The following SORCS3 variants were observed in gnomAD, a reference collection of about 807,000 sequenced individuals.
The protein encoded by SORCS3 is VPS10 domain-containing receptor SorCS3.
SORCS3 carries 57 observed loss-of-function variants against 146.3 expected under a neutral mutation model. The observed-to-expected ratio is 0.39, with a 90% CI of 0.31 to 0.49. The LOEUF is 0.49. Ranked by LOEUF, SORCS3 falls within the 20% of genes least tolerant of loss-of-function variation. SORCS3 has a pLI of 0.92. For synonymous variants in SORCS3, 653 were observed against 618.5 expected, an observed-to-expected ratio of 1.06 and a Z score of -0.83; for missense variants, 1,341 against 1,575.5, an observed-to-expected ratio of 0.85 and a Z score of 2.52.
chr10:104,944,155 T>C (rs1564718976), intron 3 of SORCS3, among the ~76,000 whole-genome samples: 1 of 152,198 alleles, frequency 6.6e-6, no homozygotes, highest in Non-Finnish European at 1.5e-5. Flanking sequence ...CTAGGTCTAT[T>C]AAATATCCTA....
intron 5 of SORCS3, among the ~76,000 whole-genome samples, chr10:105,044,697 T>C (rs190651895): frequency 2.0e-5 from 3 of 151,846 alleles, no homozygotes; most frequent in East Asian, 3.9e-4. Flanking sequence ...TTTTTTTTTT[T>C]GTTTTGTTGT....
chr10:104,741,634 GA>G (rs1010556640), intron 1 of SORCS3, among the ~76,000 whole-genome samples: 36 of 125,188 alleles, frequency 2.9e-4, no homozygotes, highest in African/African-American at 8.3e-4. Flanking sequence ...CTGTTGCTCA[GA>G]AAAATAATTT....
chr10:105,158,186 G>T (rs534425823), intron 10 of SORCS3, among the ~76,000 whole-genome samples: 1 of 152,078 alleles, frequency 6.6e-6, no homozygotes, highest in Non-Finnish European at 1.5e-5. Flanking sequence ...CTTGCCCATG[G>T]CTTCATCTTA....
At chr10:104,851,698 G>A (rs1449564914) in intron 2 of SORCS3, among the ~76,000 whole-genome samples, 1 of 152,108 alleles carries the variant, frequency 6.6e-6, no homozygotes, top group African/African-American at 2.4e-5. Flanking sequence ...CTCACACAGA[G>A]CCTATCTATT....
At chr10:104,728,331 T>C (rs1007208933) in intron 1 of SORCS3, among the ~76,000 whole-genome samples, 4 of 152,174 alleles carry the variant, frequency 2.6e-5, no homozygotes, top group African/African-American at 9.7e-5. Flanking sequence ...ACCTGTGATC[T>C]TGCAATTCTA....
At chr10:104,902,996 C>T (rs2018867721) in intron 2 of SORCS3, among the ~76,000 whole-genome samples, 1 of 152,132 alleles carries the variant, frequency 6.6e-6, no homozygotes, top group Admixed American at 6.5e-5. Flanking sequence ...GAAACCCTTG[C>T]CATGTGATAC....
intron 20 of SORCS3, among the ~76,000 whole-genome samples, chr10:105,243,606 A>G (rs563258060): frequency 2.0e-5 from 3 of 152,322 alleles, no homozygotes; most frequent in South Asian, 2.1e-4. Context: ...TCACCCAGTC[A>G]TAAGTATGGG....
At chr10:105,013,586 A>G (rs2055147547) in intron 4 of SORCS3, among the ~76,000 whole-genome samples, 2 of 152,196 alleles carry the variant, frequency 1.3e-5, no homozygotes, top group South Asian at 4.1e-4. Flanking sequence ...TACACAGTAT[A>G]TCTTGTTTCA....
intron 1 of SORCS3, among the ~76,000 whole-genome samples, chr10:104,839,839 T>C (rs1252934393): frequency 2.6e-5 from 4 of 152,036 alleles, no homozygotes; most frequent in African/African-American, 4.8e-5. Flanking sequence ...CCAGAGCAGA[T>C]TGGGACAACT....
intron 1 of SORCS3, among the ~76,000 whole-genome samples, chr10:104,672,556 T>G (rs2133258443): frequency 6.6e-6 from 1 of 152,274 alleles, no homozygotes; most frequent in African/African-American, 2.4e-5. Flanking sequence ...TGATTTGAGA[T>G]CTTTCCTGTT....
At chr10:104,857,801 G>C (rs1455312425) in intron 2 of SORCS3, among the ~76,000 whole-genome samples, 1 of 152,154 alleles carries the variant, frequency 6.6e-6, no homozygotes, top group Non-Finnish European at 1.5e-5. Context: ...TGAAAATGTA[G>C]AGTCTCCCTA....
chr10:105,170,977 G>A (rs1369062391), intron 13 of SORCS3, among the ~76,000 whole-genome samples: 2 of 152,050 alleles, frequency 1.3e-5, no homozygotes, highest in Non-Finnish European at 2.9e-5. Flanking sequence ...AGATAGGTTA[G>A]GTAATCAGTT....
chr10:105,080,428 T>C (rs1436022364), intron 5 of SORCS3, among the ~76,000 whole-genome samples: 1 of 152,210 alleles, frequency 6.6e-6, no homozygotes, highest in Non-Finnish European at 1.5e-5. Flanking sequence ...TTTAAGTTCC[T>C]TGTAGATGCT....
chr10:104,946,337 C>A (rs577203400), intron 3 of SORCS3, among the ~76,000 whole-genome samples: 4 of 152,230 alleles, frequency 2.6e-5, no homozygotes, highest in Admixed American at 1.3e-4. Context: ...CACCCTCCTC[C>A]TCTGCTGTTG....
At chr10:104,681,328 C>T (rs1010445268) in intron 1 of SORCS3, among the ~76,000 whole-genome samples, 4 of 7,508 alleles carry the variant, frequency 5.3e-4, no homozygotes, top group African/African-American at 8.0e-4. Flanking sequence ...CTCCGTCATC[C>T]TCCCCCGCCC....
chr10:105,016,155 A>ATATATATATATATATATATATT (rs71482443), intron 4 of SORCS3, among the ~76,000 whole-genome samples: 8 of 101,320 alleles, frequency 7.9e-5, no homozygotes, highest in Middle Eastern at 6.4e-3. Flanking sequence ...ATATATATAT[A>ATATATATATATATATATATATT]TTTTTTTTTT....
intron 2 of SORCS3, among the ~76,000 whole-genome samples, chr10:104,892,503 C>A (rs2018758537): frequency 6.6e-6 from 1 of 152,144 alleles, no homozygotes; most frequent in African/African-American, 2.4e-5. Flanking sequence ...GGGCAGATCA[C>A]CTGAGGTCAG....
At chr10:104,858,820 T>A (rs557240518) in intron 2 of SORCS3, among the ~76,000 whole-genome samples, 10 of 151,288 alleles carry the variant, frequency 6.6e-5, no homozygotes, top group Admixed American at 5.3e-4. Flanking sequence ...ACGGGGTTTT[T>A]CCATGTTAGC....
rs143557282 is a variant in SORCS3 at position 105,116,512 on chromosome 10, G to A, written c.1212+10997G>A. On this transcript the variant is annotated intron_variant, in intron 7 of 26. Coordinates refer to ENST00000369701, the MANE Select transcript of SORCS3 (RefSeq NM_014978.3). ...AGAACTTAAAACAGGATTACCATTC[G>A]ACCCAGCAATGCCATTATTGGGTAT... Among the ~76,000 whole-genome samples, 20 of 152,266 alleles carry A rather than the reference G, an allele frequency of 1.3e-4. No homozygotes were observed. The East Asian group carries it at 1.7e-3, about 13-fold the overall frequency.
Sources: allele counts gnomAD v4.1 joint callset (sites outside exome capture counted in the v4.1 genomes callset), GRCh38; gene constraint gnomAD v4.1.1; transcripts MANE v1.5; gene names NCBI Gene and HGNC (gene_info 2026-07-23, HGNC 2026-07-21).